The following FGF13 variants were observed in gnomAD, a reference collection of about 807,000 sequenced individuals.
The protein encoded by FGF13 is fibroblast growth factor 13.
A neutral mutation model predicts 19.5 loss-of-function variants in FGF13; 2 were observed. That is an observed-to-expected ratio of 0.10 (90% CI 0.04 to 0.32). The LOEUF (loss-of-function observed/expected upper bound fraction) is 0.32, where lower values mean the gene tolerates loss of function less well. FGF13 is among the 10% of genes least tolerant of loss of function. The pLI is 1.00. For missense variants in FGF13, 113 were observed against 192.7 expected (o/e 0.59, Z 2.45); for synonymous variants, 72 against 76.9 (o/e 0.94, Z 0.33).
Position 138,984,523 on chromosome X carries a change from G to GGAAGAAGAAGAAGAAGAAGAAGAA in FGF13, c.-112-119897_-112-119874dup, listed in dbSNP as rs1209275314. ...AAGGAGAAGAAGAGGAAGAAGAAGA[G>GGAAGAAGAAGAAGAAGAAGAAGAA]GAAGAAGAAGAAGAAGAAGAAGAAG... On this transcript the variant is annotated intron_variant, in intron 1 of 2. Coordinates refer to the FGF13 transcript ENST00000421460. 2.2e-4 allele frequency among the ~76,000 whole-genome samples: 7 copies of GGAAGAAGAAGAAGAAGAAGAAGAA among 31,576 alleles called. 1 individual carries two copies. Among genetic ancestry groups the GGAAGAAGAAGAAGAAGAAGAAGAA allele is most frequent in the Admixed American group, 1.4e-3 (3 of 2,104 alleles). 27.4% of individuals were successfully genotyped at this position (31,576 alleles called of 115,157 possible).
At chrX:138,983,850 G>A (rs187630454) in intron 1 of FGF13, among the ~76,000 whole-genome samples, 6 of 108,872 alleles carry the variant, frequency 5.5e-5, no homozygotes, top group South Asian at 4.1e-4. Flanking sequence ...TTCAGCATTC[G>A]ACTGGTATAA....
At chrX:138,964,351 A>G (rs1055588501) in intron 1 of FGF13, among the ~76,000 whole-genome samples, 1 of 111,883 alleles carries the variant, frequency 8.9e-6, no homozygotes, top group Admixed American at 9.5e-5. Flanking sequence ...TATGTCCTGC[A>G]AGCTAAAAAT....
chrX:138,948,151 G>T, intron 1 of FGF13, among the ~76,000 whole-genome samples: 1 of 111,686 alleles, frequency 9.0e-6, no homozygotes, highest in East Asian at 2.8e-4. Flanking sequence ...ACACAGAAGG[G>T]GCAGGTGTGT....
chrX:138,706,556 TAAG>T (rs1411148759), intron 2 of FGF13, among the ~76,000 whole-genome samples: 1 of 111,387 alleles, frequency 9.0e-6, no homozygotes, highest in African/African-American at 3.3e-5. Flanking sequence ...TTAATAAAAA[TAAG>T]AAGAGTAAGA....
intron 1 of FGF13, among the ~76,000 whole-genome samples, chrX:138,979,874 C>G (rs2124329949): frequency 9.0e-6 from 1 of 111,725 alleles, no homozygotes; most frequent in East Asian, 2.8e-4. Flanking sequence ...AAATCAGACT[C>G]TTTCAAACAG....
At position 138,620,252 on chromosome X, in the gene FGF13, T is replaced by C. The variant is rs1344678075; in HGVS notation, c.*12598A>G. ...AACACTGCGTATTCTCACTTATAAG[T>C]GAGAGCTGAACATGAGAACACATGG... On this transcript the variant is annotated 3_prime_UTR_variant, in exon 5 of 5. Coordinates refer to ENST00000315930, the MANE Select transcript of FGF13 (RefSeq NM_004114.5). The C allele has an allele frequency of 9.3e-6, 1 of 107,584 alleles. No individual in the cohort carries two copies. Among genetic ancestry groups the C allele is most frequent in the African/African-American group, 3.4e-5 (1 of 29,329 alleles). 8.9% of individuals were successfully genotyped at this position (107,584 alleles called of 1,213,427 possible). A position where few individuals can be genotyped will look rare whatever the true frequency, so the allele number is the denominator to read the frequency against.
chrX:139,134,361 T>G (rs1047121930), intron 1 of FGF13, among the ~76,000 whole-genome samples: 3 of 111,921 alleles, frequency 2.7e-5, no homozygotes, highest in Non-Finnish European at 5.6e-5. Flanking sequence ...ACATAACTAT[T>G]TATTATTCTC....
At chrX:139,169,673 T>G (rs1160494532) in intron 1 of FGF13, among the ~76,000 whole-genome samples, 1 of 110,929 alleles carries the variant, frequency 9.0e-6, no homozygotes, top group South Asian at 3.9e-4. Flanking sequence ...TCGGCCTGAT[T>G]GGACTACAAA....
chrX:138,762,344 A>G (rs2090473727), intron 3 of FGF13, among the ~76,000 whole-genome samples: 1 of 111,819 alleles, frequency 8.9e-6, no homozygotes. Context: ...TTACTGCCCT[A>G]GCATATATAA....
intron 1 of FGF13, among the ~76,000 whole-genome samples, chrX:139,152,673 GA>G: frequency 9.0e-6 from 1 of 110,836 alleles, no homozygotes; most frequent in African/African-American, 3.3e-5. Flanking sequence ...CTGCCCAGGG[GA>G]AAAAAATCAA....
At chrX:139,181,154 C>G (rs2084234929) in intron 1 of FGF13, among the ~76,000 whole-genome samples, 1 of 112,184 alleles carries the variant, frequency 8.9e-6, no homozygotes, top group Non-Finnish European at 1.9e-5. Flanking sequence ...AGCAGATGTG[C>G]AATAAAATCA....
At chrX:138,870,848 T>C (rs1225167740) in intron 1 of FGF13, among the ~76,000 whole-genome samples, 2 of 112,136 alleles carry the variant, frequency 1.8e-5, no homozygotes, top group Non-Finnish European at 3.8e-5. Flanking sequence ...TGGCCCTCAG[T>C]TGACAGCCAA....
intron 3 of FGF13, among the ~76,000 whole-genome samples, chrX:138,830,981 T>C (rs1009878044): frequency 1.8e-5 from 2 of 110,517 alleles, no homozygotes; most frequent in Admixed American, 9.7e-5. Context: ...GCATCTTCCA[T>C]GGACTCTCTG....
chrX:138,852,495 T>A (rs1461354822), intron 3 of FGF13, among the ~76,000 whole-genome samples: 1 of 111,844 alleles, frequency 8.9e-6, no homozygotes, highest in Non-Finnish European at 1.9e-5. Context: ...GTGAACTGGC[T>A]AGCCATATGC....
intron 1 of FGF13, among the ~76,000 whole-genome samples, chrX:139,061,271 T>C (rs991321345): frequency 1.8e-5 from 2 of 111,997 alleles, no homozygotes; most frequent in African/African-American, 6.5e-5. Context: ...CCAAAACTCA[T>C]GTTGAGGATT....
At chrX:139,026,142 A>G (rs1437775745) in intron 1 of FGF13, among the ~76,000 whole-genome samples, 1 of 111,061 alleles carries the variant, frequency 9.0e-6, no homozygotes. Flanking sequence ...TGTCCTTGTT[A>G]TAATTTTCAA....
intron 1 of FGF13, among the ~76,000 whole-genome samples, chrX:138,873,067 C>G (rs760154430): frequency 8.9e-6 from 1 of 111,775 alleles, no homozygotes; most frequent in East Asian, 2.8e-4. Flanking sequence ...TTGTGCTCCG[C>G]TGCCACAACT....
intron 1 of FGF13, among the ~76,000 whole-genome samples, chrX:139,035,571 A>G (rs910200293): frequency 3.6e-5 from 4 of 111,629 alleles, no homozygotes; most frequent in African/African-American, 1.3e-4. Context: ...GAGGTCTGAG[A>G]GAACTTCTTT....
chrX:139,006,024 A>G (rs781564923), intron 1 of FGF13, among the ~76,000 whole-genome samples: 3 of 111,287 alleles, frequency 2.7e-5, no homozygotes, highest in Admixed American at 9.6e-5. Flanking sequence ...ATTCAAAGGG[A>G]TAAAAACAGA....
Sources: gnomAD v4.1 joint callset for allele counts (sites outside exome capture counted in the v4.1 genomes callset) on GRCh38, gnomAD v4.1.1 for gene constraint, MANE v1.5 for transcripts, NCBI Gene and HGNC (gene_info 2026-07-23, HGNC 2026-07-21) for gene names.